LIMA1: variants seen among roughly 807,000 people sequenced by gnomAD.
LIMA1 encodes the protein LIM domain and actin binding 1.
A neutral mutation model predicts 62.6 loss-of-function variants in LIMA1; 52 were observed. The observed-to-expected ratio is 0.83, with a 90% CI of 0.67 to 1.05. The LOEUF is 1.05. Ranked by LOEUF, LIMA1 falls within the 50% of genes least tolerant of loss-of-function variation. The pLI is 0.00. For missense variants in LIMA1, 780 were observed against 902.2 expected (o/e 0.86, Z 1.74); for synonymous variants, 302 against 317.8 (o/e 0.95, Z 0.53).
chr12:50,254,027 CAAAAAAAAAA>C (rs376086760), intron 1 of LIMA1, among the ~76,000 whole-genome samples: 9 of 93,770 alleles, frequency 9.6e-5, no homozygotes, highest in Admixed American at 5.0e-4. Context: ...GACTCTGTCT[CAAAAAAAAAA>C]AAAAAAAAAA....
chr12:50,177,498 A>G lies in LIMA1; in HGVS notation c.1846T>C (p.Trp616Arg). ...TCTTCACTCTGCTCTGACATGCTCC[A>G]GCCTTTCCTGATAGGTGGGGACACA... ...KTVSPPIRKG[W>R]SMSEQSEESV... is the part of the protein sequence containing the mutation. The change falls in exon 11 of 11, where the codon TGG becomes CGG. Residue 616 changes from tryptophan to arginine, a missense_variant. By Grantham distance (101) the Trp-to-Arg change is moderately radical. Coordinates refer to ENST00000341247, the MANE Select transcript of LIMA1 (RefSeq NM_016357.5). 6.2e-7 allele frequency: 1 copy of G among 1,613,210 alleles called. No homozygotes were observed. The highest frequency in any genetic ancestry group is 8.5e-7 in the Non-Finnish European group (1 of 1,179,656).
At chr12:50,275,824 G>C (rs1942269998) in intron 1 of LIMA1, among the ~76,000 whole-genome samples, 1 of 152,126 alleles carries the variant, frequency 6.6e-6, no homozygotes, top group Non-Finnish European at 1.5e-5. Context: ...AAAAGAATAG[G>C]CTGTCAGAGT....
chr12:50,238,049 G>GT (rs1941721286), intron 2 of LIMA1, among the ~76,000 whole-genome samples: 1 of 151,816 alleles, frequency 6.6e-6, no homozygotes, highest in South Asian at 2.1e-4. Flanking sequence ...ATTTTTTGTC[G>GT]TTTTTCTTTC....
intron 2 of LIMA1, among the ~76,000 whole-genome samples, chr12:50,234,671 T>C (rs1489845565): frequency 6.6e-6 from 1 of 152,092 alleles, no homozygotes; most frequent in East Asian, 1.9e-4. Flanking sequence ...AAAGGTAGAA[T>C]TTCAGAATTC....
intron 1 of LIMA1, among the ~76,000 whole-genome samples, chr12:50,253,731 A>C (rs547751055): frequency 6.6e-6 from 1 of 152,314 alleles, no homozygotes; most frequent in Non-Finnish European, 1.5e-5. Flanking sequence ...CCTGCATTAA[A>C]GGTGTGGTAT....
intron 1 of LIMA1, among the ~76,000 whole-genome samples, chr12:50,269,653 C>T (rs925000229): frequency 1.3e-5 from 2 of 152,116 alleles, no homozygotes; most frequent in African/African-American, 2.4e-5. Context: ...GGCGCAGTGG[C>T]TCATGCCTGT....
At chr12:50,266,535 T>C (rs1942140402) in intron 1 of LIMA1, among the ~76,000 whole-genome samples, 1 of 152,234 alleles carries the variant, frequency 6.6e-6, no homozygotes, top group Non-Finnish European at 1.5e-5. Context: ...CCCCTGTGGA[T>C]GATCATGTAG....
Position 50,177,233 on chromosome 12 carries a change from G to C in LIMA1, c.2111C>G (p.Ser704Cys). ...GTCTACAAAACTCGACCAATTCAGA[G>C]ACTTGGGTTCTTGTGGAGATTGTTG... ...LKQQSPQEPKSLNWSSFVDNT... is the reference protein window; with the variant it reads ...LKQQSPQEPKCLNWSSFVDNT... Residue 704 changes from serine to cysteine, a missense_variant, in exon 11 of 11, where the codon TCT becomes TGT. Transcript: ENST00000341247. The C allele has an allele frequency of 6.2e-7, 1 of 1,614,114 alleles. No homozygotes were observed. Among genetic ancestry groups the C allele is most frequent in the Non-Finnish European group, 8.5e-7 (1 of 1,180,004 alleles).
chr12:50,179,446 G>GC (rs1002476939), intron 10 of LIMA1, among the ~76,000 whole-genome samples: 20 of 118,900 alleles, frequency 1.7e-4, no homozygotes, highest in Non-Finnish European at 3.2e-4. Flanking sequence ...AGCCATTTTT[G>GC]TTTTTTTTTG....
At chr12:50,235,944 C>G (rs186358921) in intron 2 of LIMA1, among the ~76,000 whole-genome samples, 22 of 152,202 alleles carry the variant, frequency 1.4e-4, no homozygotes, top group Admixed American at 1.2e-3. Flanking sequence ...GTGGGTGGAT[C>G]ACCTGAGGTC....
At chr12:50,241,559 C>T (rs970315269) in intron 2 of LIMA1, among the ~76,000 whole-genome samples, 5 of 152,178 alleles carry the variant, frequency 3.3e-5, no homozygotes, top group Non-Finnish European at 7.3e-5. Context: ...CAGGTGTATA[C>T]ACCAAAGGCT....
chr12:50,196,468 A>G (rs975646417), intron 7 of LIMA1, among the ~76,000 whole-genome samples: 1 of 152,154 alleles, frequency 6.6e-6, no homozygotes, highest in Non-Finnish European at 1.5e-5. Context: ...CAAAATGGCA[A>G]TGTTTAAAAA....
intron 1 of LIMA1, among the ~76,000 whole-genome samples, chr12:50,257,799 T>G (rs1396720850): frequency 1.3e-5 from 2 of 152,362 alleles, no homozygotes; most frequent in East Asian, 3.9e-4. Flanking sequence ...AGTGATGGTC[T>G]CAAGTAGTAA....
At chr12:50,186,651 C>A (rs1940637463) in intron 9 of LIMA1, 1 of 152,166 alleles carries the variant, frequency 6.6e-6, no homozygotes, top group African/African-American at 2.4e-5. Flanking sequence ...TATCCTAAAA[C>A]CTTGCTATAT....
At chr12:50,221,230 A>G (rs747491443) in intron 4 of LIMA1, among the ~76,000 whole-genome samples, 14 of 152,210 alleles carry the variant, frequency 9.2e-5, no homozygotes, top group Non-Finnish European at 7.3e-5. Context: ...CATTATAACG[A>G]CTGTTGTAAC....
At chr12:50,270,604 C>CAAAAAAAA in intron 1 of LIMA1, among the ~76,000 whole-genome samples, 1 of 71,708 alleles carries the variant, frequency 1.4e-5, no homozygotes, top group Middle Eastern at 8.1e-3. Flanking sequence ...GACCTTATCT[C>CAAAAAAAA]AAAAAAAAAA....
chr12:50,190,776 T>G (rs1264481811), intron 9 of LIMA1, among the ~76,000 whole-genome samples: 1 of 145,986 alleles, frequency 6.8e-6, no homozygotes, highest in East Asian at 2.0e-4. Flanking sequence ...TTAAAAATGT[T>G]AATGACATTG....
At chr12:50,192,363 G>T in intron 9 of LIMA1, 89 bp downstream of exon 9, 3 of 956,122 alleles carry the variant, frequency 3.1e-6, no homozygotes, top group Non-Finnish European at 3.4e-6. Context: ...GCAAAACCAG[G>T]TTATAATCAA....
At chr12:50,207,552 T>G (rs1417395260) in intron 4 of LIMA1, among the ~76,000 whole-genome samples, 2 of 152,202 alleles carry the variant, frequency 1.3e-5, no homozygotes, top group Non-Finnish European at 2.9e-5. Context: ...AAATAGTTAC[T>G]AAATCTTTAA....
Sources: gnomAD v4.1 joint callset for allele counts (sites outside exome capture counted in the v4.1 genomes callset) on GRCh38, gnomAD v4.1.1 for gene constraint, MANE v1.5 for transcripts, NCBI Gene and HGNC (gene_info 2026-07-23, HGNC 2026-07-21) for gene names.